Variants in CD22 observed in about 807,000 individuals in gnomAD.
The protein encoded by CD22 is CD22 molecule.
A neutral mutation model predicts 94.7 loss-of-function variants in CD22; 51 were observed. That is an observed-to-expected ratio of 0.54 (90% CI 0.43 to 0.68). The LOEUF (loss-of-function observed/expected upper bound fraction) is 0.68, where lower values mean the gene tolerates loss of function less well. CD22 is among the 30% of genes least tolerant of loss of function. CD22 has a pLI of 0.00. For synonymous variants in CD22, 424 were observed against 422.5 expected (o/e 1.00, Z -0.04); for missense variants, 931 against 1,060.4 (o/e 0.88, Z 1.69).
chr19:35,336,559 G>C (rs2066727487), intron 4 of CD22: 1 of 553,354 alleles, frequency 1.8e-6, no homozygotes. Flanking sequence ...GACATGAATT[G>C]GGGATTATCT....
chr19:35,336,530 T>C (rs987171847), intron 4 of CD22, 189 bp downstream of exon 4: 2 of 592,176 alleles, frequency 3.4e-6, no homozygotes, highest in African/African-American at 3.7e-5. Flanking sequence ...CAGAATAAAA[T>C]GGTCCATCCT....
In CD22 at chr19:35,344,728, C is replaced by T. The variant is rs114447586; in HGVS notation, c.2036-101C>T. Reference sequence around the variant, plus strand: ...CCTGCACGCATGCAGGGGAGAAGGACGAGTCTGGCTGCAGAGAGAAGTCCA... The same window carrying T: ...CCTGCACGCATGCAGGGGAGAAGGATGAGTCTGGCTGCAGAGAGAAGTCCA... On this transcript the variant is annotated intron_variant, in intron 9 of 13. Coordinates refer to ENST00000085219, the MANE Select transcript of CD22 (RefSeq NM_001771.4). 1.5e-3 allele frequency: 1,201 copies of T among 820,720 alleles called. 3 individuals carry two copies. Among genetic ancestry groups the T allele is most frequent in the African/African-American group, 0.011 (622 of 58,628 alleles). The allele number at this position is 820,720 out of a possible 1,614,324, so 50.8% of individuals were successfully genotyped here.
chr19:35,346,729 G>T lies in CD22; in HGVS notation c.*32G>T, dbSNP rs755044875. 2 of 1,571,542 alleles carry T rather than the reference G, an allele frequency of 1.3e-6. No individual in the cohort carries two copies. The highest frequency in any genetic ancestry group is 2.4e-5 in the South Asian group (2 of 84,898). Reference sequence around the variant, plus strand: ...ATGGGCTGCAGCAGAGGCACTGGGGGCAGCGGGGGCCAGGGAAGTCCCCGA... The same window carrying T: ...ATGGGCTGCAGCAGAGGCACTGGGGTCAGCGGGGGCCAGGGAAGTCCCCGA... On this transcript the variant is annotated 3_prime_UTR_variant, in exon 14 of 14. Transcript: ENST00000085219.
chr19:35,336,163 G>T lies in CD22; in HGVS notation c.540G>T (p.Gly180=). Residue 180 remains glycine (G), a synonymous_variant, in exon 4 of 14, where the codon GGG becomes GGT. Transcript: ENST00000085219. ...TCCAATTGCAGTGGCTCCTAGAGGG[G>T]GTTCCAATGAGGCAGGCTGCTGTCA... The part of the protein sequence containing the change: ...YPIQLQWLLE[G]VPMRQAAVTS... 1 of 1,614,178 alleles carries T rather than the reference G, an allele frequency of 6.2e-7. No individual in the cohort carries two copies. Among genetic ancestry groups the T allele is most frequent in the Non-Finnish European group, 8.5e-7 (1 of 1,180,034 alleles).
chr19:35,341,622 AG>A lies in CD22; in HGVS notation c.1771+18del, dbSNP rs1183664336. 6.2e-7 allele frequency: 1 copy of A among 1,608,198 alleles called. No individual in the cohort carries two copies. Among genetic ancestry groups the A allele is most frequent in the African/African-American group, 1.3e-5 (1 of 74,884 alleles). On this transcript the variant is annotated intron_variant, in intron 8 of 13. Coordinates refer to ENST00000085219, the MANE Select transcript of CD22 (RefSeq NM_001771.4). This position sits in a 1 kb window ranked among gnomAD's most constrained non-coding sequence, Gnocchi z 4.0. ...GAAGTGCTGTGTGAGTGAGGGCCGGAGGCTGGGAGTGGAGCAGAGAAGGGAC... is the reference window on the plus strand; with the variant it reads ...GAAGTGCTGTGTGAGTGAGGGCCGGAGCTGGGAGTGGAGCAGAGAAGGGAC...
intron 3 of CD22, among the ~76,000 whole-genome samples, chr19:35,333,248 G>A (rs1216207480): frequency 6.6e-6 from 1 of 152,132 alleles, no homozygotes; most frequent in African/African-American, 2.4e-5. Flanking sequence ...AACCATCCAA[G>A]CACCGCATTC....
chr19:35,345,680 A>G lies in CD22; in HGVS notation c.2287A>G (p.Thr763Ala). The G allele has an allele frequency of 6.2e-7, 1 of 1,613,698 alleles. No homozygotes were observed. Among genetic ancestry groups the G allele is most frequent in the Non-Finnish European group, 8.5e-7 (1 of 1,179,692 alleles). ...AATGATGGAAGATGGCATTAGCTAC[A>G]CCACCCTGCGCTTTCCCGAGATGAA... ...NPMMEDGISYTTLRFPEMNIP... is the reference protein window; with the variant it reads ...NPMMEDGISYATLRFPEMNIP... Residue 763 changes from threonine to alanine, a missense_variant, in exon 12 of 14, where the codon ACC becomes GCC. Transcript: ENST00000085219.
intron 3 of CD22, among the ~76,000 whole-genome samples, chr19:35,334,040 G>A (rs1018128383): frequency 2.6e-5 from 4 of 152,204 alleles, no homozygotes; most frequent in African/African-American, 7.2e-5. Context: ...CTTAGAAGCT[G>A]AGATAGGATT....
Position 35,338,352 on chromosome 19 carries a change from C to A in CD22, c.1170C>A (p.His390Gln). 2 of 1,614,180 alleles carry A rather than the reference C, an allele frequency of 1.2e-6. No individual in the cohort carries two copies. Among genetic ancestry groups the A allele is most frequent in the Non-Finnish European group, 8.5e-7 (1 of 1,180,026 alleles). Residue 390 changes from histidine (H) to glutamine (Q), a missense_variant, in exon 6 of 14, where the codon CAC (histidine) becomes CAA (glutamine). His to Gln is a conservative substitution (Grantham distance 24). Coordinates refer to ENST00000085219, the MANE Select transcript of CD22 (RefSeq NM_001771.4). ...ACATCCCAAAGATCCTCCCCTGGCA[C>A]GCTGGGACTTATTCCTGTGTGGCAG... ...KVHIPKILPW[H>Q]AGTYSCVAEN...
intron 6 of CD22, among the ~76,000 whole-genome samples, chr19:35,340,230 G>C (rs776912068): frequency 3.9e-5 from 6 of 152,040 alleles, no homozygotes; most frequent in Non-Finnish European, 8.8e-5. Flanking sequence ...TTTCCTTCTT[G>C]AAACAATTCC....
At chr19:35,338,936 G>A (rs911662845) in intron 6 of CD22, among the ~76,000 whole-genome samples, 7 of 150,092 alleles carry the variant, frequency 4.7e-5, no homozygotes, top group Non-Finnish European at 1.0e-4. Flanking sequence ...GCCTGTAGAT[G>A]CTTGTTGAAT....
intron 1 of CD22, chr19:35,329,543 C>T (rs908550507): frequency 1.1e-5 from 3 of 279,688 alleles, no homozygotes; most frequent in South Asian, 7.1e-5. Flanking sequence ...ATGGCCCTGT[C>T]CTGAGCCTCT....
rs544664544 is a variant in CD22 at position 35,334,152 on chromosome 19, G to A, written c.412+1228G>A. 4.3e-4 allele frequency among the ~76,000 whole-genome samples: 66 copies of A among 152,296 alleles called. 2 individuals carry two copies. The highest frequency in any genetic ancestry group is 1.5e-3 in the African/African-American group (63 of 41,556). On this transcript the variant is annotated intron_variant, in intron 3 of 13. Transcript: ENST00000085219. ...TTTTATGAGTAAAGTAGGTGTGCAGGAGGTGACCTCCCGATCGTCAAAGCT... is the reference window on the plus strand; with the variant it reads ...TTTTATGAGTAAAGTAGGTGTGCAGAAGGTGACCTCCCGATCGTCAAAGCT...
chr19:35,331,844 C>A (rs2066649545), intron 1 of CD22, 175 bp from the exon 2 acceptor site: 2 of 1,338,414 alleles, frequency 1.5e-6, no homozygotes, highest in African/African-American at 1.5e-5. Flanking sequence ...AAGACTCTGT[C>A]TCAAAAAAAA....
chr19:35,342,582 C>G (rs1339343129), intron 9 of CD22, among the ~76,000 whole-genome samples: 1 of 152,086 alleles, frequency 6.6e-6, no homozygotes, highest in Non-Finnish European at 1.5e-5. Flanking sequence ...CCCATTCACA[C>G]CCCTTGCTCC....
intron 9 of CD22, chr19:35,344,609 G>C: frequency 1.9e-6 from 1 of 537,934 alleles, no homozygotes; most frequent in South Asian, 2.4e-5. Context: ...TGCCACGTCT[G>C]TGGGAAAAGC....
At position 35,346,597 on chromosome 19, in the gene CD22, CAGA is replaced by C. The variant is rs763735304; in HGVS notation, c.2448_2450del (p.Glu816del). On this transcript the variant is annotated inframe_deletion, in exon 14 of 14. Transcript: ENST00000085219. ...TATGAGAACGTCATTCCAGATTTTCCAGAAGATGAGGGGATTCATTACTCAGAG... is the reference window on the plus strand; with the variant it reads ...TATGAGAACGTCATTCCAGATTTTCCAGATGAGGGGATTCATTACTCAGAG... 6.4e-5 allele frequency: 103 copies of C among 1,605,184 alleles called. No homozygotes were observed. In the Admixed American group the frequency reaches 1.7e-3, roughly 27 times the overall value.
At position 35,345,730 on chromosome 19, in the gene CD22, G is replaced by A. The variant is rs777492040; in HGVS notation, c.2327+10G>A. On this transcript the variant is annotated intron_variant, in intron 12 of 13. Transcript: ENST00000085219. ...ACATACCACGAACTGGGTACTGAGG[G>A]TACCAGGAGGGTGACCCTGCACCCT... The A allele has an allele frequency of 6.4e-7, 1 of 1,566,120 alleles. No individual in the cohort carries two copies. Among genetic ancestry groups the A allele is most frequent in the East Asian group, 2.2e-5 (1 of 44,620 alleles).
Position 35,337,310 on chromosome 19 carries a change from T to C in CD22, c.719-445T>C, listed in dbSNP as rs1427489338. Among the ~76,000 whole-genome samples, 1 of 151,612 alleles carries C rather than the reference T, an allele frequency of 6.6e-6. No homozygotes were observed. The highest frequency in any genetic ancestry group is 2.4e-5 in the African/African-American group (1 of 41,250). On this transcript the variant is annotated intron_variant, in intron 4 of 13. Coordinates refer to ENST00000085219, the MANE Select transcript of CD22 (RefSeq NM_001771.4). This position sits in a 1 kb window ranked among gnomAD's most constrained non-coding sequence, Gnocchi z 4.4. ...AGGGAGTGGCTGAGGCCGGCACATATTTGGGAGAGGAGGATTTCAGGGAAA... is the reference window on the plus strand; with the variant it reads ...AGGGAGTGGCTGAGGCCGGCACATACTTGGGAGAGGAGGATTTCAGGGAAA...
Sources: allele counts gnomAD v4.1 joint callset (sites outside exome capture counted in the v4.1 genomes callset), GRCh38; gene constraint gnomAD v4.1.1; non-coding constraint Gnocchi (gnomAD v3.1); transcripts MANE v1.5; gene names NCBI Gene and HGNC (gene_info 2026-07-23, HGNC 2026-07-21).